The following KNDC1 variants were observed in gnomAD, a reference collection of about 807,000 sequenced individuals.
The protein encoded by KNDC1 is kinase non-catalytic C-lobe domain containing 1.
KNDC1 carries 106 observed loss-of-function variants against 172.8 expected under a neutral mutation model. The ratio of observed to expected loss-of-function variants is 0.61; its 90% confidence interval spans 0.52 to 0.72. The LOEUF (loss-of-function observed/expected upper bound fraction) is 0.72. Among genes scored for constraint, KNDC1 ranks in the 30% least tolerant of loss-of-function variants. KNDC1 has a pLI of 0.00. For missense variants in KNDC1, 2,325 were observed against 2,394.5 expected (o/e 0.97, Z 0.61); for synonymous variants, 1,083 against 1,062.2 (o/e 1.02, Z -0.38).
At position 133,207,331 on chromosome 10, in the gene KNDC1, C is replaced by G. The variant is rs12028; in HGVS notation, c.3774C>G (p.Leu1258=). 46,220 of 1,612,598 alleles carry G rather than the reference C, an allele frequency of 0.029. 741 individuals carry two copies. Among genetic ancestry groups the G allele is most frequent in the African/African-American group, 0.048 (3,574 of 75,056 alleles). Residue 1258 remains leucine, a synonymous_variant, in exon 20 of 30, where the codon CTC becomes CTG. Transcript: ENST00000304613. ...RILQAGTPLG[L]MAYLYSSDAF... ...TGCAGGCCGGCACGCCGCTGGGGCT[C>G]ATGGCCTACCTGTACTCCAGGTGCG... is the stretch of plus-strand genomic sequence containing the variant.
At chr10:133,216,151 G>A (rs1185758214) in intron 26 of KNDC1, among the ~76,000 whole-genome samples, 1 of 152,264 alleles carries the variant, frequency 6.6e-6, no homozygotes, top group Non-Finnish European at 1.5e-5. Context: ...ACAGAGGGCA[G>A]CAGTGATCAA....
At chr10:133,182,248 C>T (rs978674066) in intron 3 of KNDC1, among the ~76,000 whole-genome samples, 1 of 152,072 alleles carries the variant, frequency 6.6e-6, no homozygotes, top group African/African-American at 2.4e-5. Context: ...GGTTCTGTGA[C>T]GATATCTTGA....
At position 133,189,772 on chromosome 10, in the gene KNDC1, C is replaced by T. The variant is rs768890536; in HGVS notation, c.1534C>T (p.Leu512=). Residue 512 remains leucine (L), a synonymous_variant, in exon 9 of 30, where the codon CTG becomes TTG. Transcript: ENST00000304613. ...PANGSYDSFF[L]APELAEERLV... is the part of the protein sequence containing the mutation. Reference sequence around the variant, plus strand: ...CTTAGGTTCCTATGACTCGTTCTTTCTGGCTCCCGAGCTGGCAGAGGAGAG... The same window carrying T: ...CTTAGGTTCCTATGACTCGTTCTTTTTGGCTCCCGAGCTGGCAGAGGAGAG... 3.1e-6 allele frequency: 5 copies of T among 1,614,072 alleles called. No individual in the cohort carries two copies. The South Asian group carries it at 4.4e-5, about 14-fold the overall frequency.
At position 133,219,937 on chromosome 10, in the gene KNDC1, C is replaced by T; in HGVS notation, c.4861-18C>T. On this transcript the variant is annotated intron_variant, in intron 28 of 29. Transcript: ENST00000304613. ...ACGCCCTGTCTCTCCCCGGCCCACGCCCCGGCTGGACCACCAGGTCTTCCT... is the reference window on the plus strand; with the variant it reads ...ACGCCCTGTCTCTCCCCGGCCCACGTCCCGGCTGGACCACCAGGTCTTCCT... 6.5e-7 allele frequency: 1 copy of T among 1,545,770 alleles called. No individual in the cohort carries two copies. Among genetic ancestry groups the T allele is most frequent in the Non-Finnish European group, 8.7e-7 (1 of 1,143,778 alleles).
chr10:133,188,842 G>T (rs1853999189), intron 7 of KNDC1, among the ~76,000 whole-genome samples, 189 bp downstream of exon 7: 1 of 151,790 alleles, frequency 6.6e-6, no homozygotes, highest in Non-Finnish European at 1.5e-5. Context: ...GGGCAGCCAG[G>T]ACAGTGTCTC....
At chr10:133,185,001 G>A (rs58730738) in intron 5 of KNDC1, among the ~76,000 whole-genome samples, 59,151 of 152,276 alleles carry the variant, frequency 0.39, 13,319 homozygotes, top group South Asian at 0.65. Flanking sequence ...AACAGAGGCC[G>A]TGTCTGCATT....
chr10:133,195,931 G>A, intron 10 of KNDC1, 110 bp downstream of exon 10: 1 of 1,096,014 alleles, frequency 9.1e-7, no homozygotes, highest in South Asian at 1.7e-5. Flanking sequence ...TCCAGGTGAT[G>A]AGGCCACCAG....
chr10:133,186,704 A>G (rs1220923398), intron 6 of KNDC1, 30 bp downstream of exon 6: 1 of 1,515,852 alleles, frequency 6.6e-7, no homozygotes, highest in African/African-American at 1.4e-5. Context: ...GTGTGGGTGG[A>G]GGGGTCGGCG....
rs2135996023 is a variant in KNDC1, at chr10:133,198,588, G to A, written c.2080G>A (p.Ala694Thr). 1.9e-6 allele frequency: 3 copies of A among 1,590,852 alleles called. No individual in the cohort carries two copies. Among genetic ancestry groups the A allele is most frequent in the Middle Eastern group, 1.7e-4 (1 of 5,990 alleles). ...CTGCTCCTCCCGTAGGGACCAGCCT[G>A]CCTTGGCCCAGGAGGAGTCCGAGGA... is the stretch of plus-strand genomic sequence containing the variant. The part of the protein sequence containing the change: ...QNASVARDQP[A>T]LAQEESEERG... Residue 694 changes from alanine (A) to threonine (T), a missense_variant, in exon 14 of 30, where the codon GCC becomes ACC. Physicochemically the swap from Ala to Thr is moderately conservative, Grantham distance 58. Transcript: ENST00000304613.
Position 133,208,867 on chromosome 10 carries a change from G to A in KNDC1, c.3794+1516G>A, listed in dbSNP as rs141015570. Reference sequence around the variant, plus strand: ...TGCATGTGTAGTACACAAATGTGATGTGTATTTAGGCTTGTATGGAGTGTG... The same window carrying A: ...TGCATGTGTAGTACACAAATGTGATATGTATTTAGGCTTGTATGGAGTGTG... On this transcript the variant is annotated intron_variant, in intron 20 of 29. Coordinates refer to ENST00000304613, the MANE Select transcript of KNDC1 (RefSeq NM_152643.8). Among the ~76,000 whole-genome samples, 585 of 152,250 alleles carry A rather than the reference G, an allele frequency of 3.8e-3. 3 individuals carry two copies. Among genetic ancestry groups the A allele is most frequent in the Middle Eastern group, 0.024 (7 of 294 alleles).
chr10:133,194,884 G>A (rs1854146044), intron 9 of KNDC1, among the ~76,000 whole-genome samples: 1 of 152,220 alleles, frequency 6.6e-6, no homozygotes, highest in Admixed American at 6.5e-5. Flanking sequence ...TAGCCCAAAA[G>A]GTGGAGGACA....
chr10:133,183,921 G>C lies in KNDC1; in HGVS notation c.557G>C (p.Arg186Pro). 6.2e-7 allele frequency: 1 copy of C among 1,604,128 alleles called. No homozygotes were observed. The highest frequency in any genetic ancestry group is 8.5e-7 in the Non-Finnish European group (1 of 1,172,530). Residue 186 changes from arginine (R) to proline (P), a missense_variant, in exon 5 of 30, where the codon CGC (arginine) becomes CCC (proline). Transcript: ENST00000304613. ...AAGCTGCAGCTCACATCCTCCTGTC[G>C]CGTGTGCCGGAGCCTCTCTGCTGTG... ...EEKLQLTSSC[R>P]VCRSLSAVGR...
intron 3 of KNDC1, 100 bp from the exon 4 acceptor site, chr10:133,183,244 G>A (rs374938549): frequency 6.6e-6 from 9 of 1,373,434 alleles, no homozygotes; most frequent in East Asian, 5.2e-5. Flanking sequence ...GGAATCTCAC[G>A]ATTCCTGAAA....
chr10:133,209,653 G>T lies in KNDC1; in HGVS notation c.3795-958G>T, dbSNP rs1295906728. On this transcript the variant is annotated intron_variant, in intron 20 of 29. Coordinates refer to ENST00000304613, the MANE Select transcript of KNDC1 (RefSeq NM_152643.8). The surrounding 1 kb of genome is among the most constrained non-coding windows in gnomAD (Gnocchi z 4.9). ...GTGTGAGTGCTGTGCTTCCATGGAA[G>T]GAGCGTCTCCTGGCCGTGATGTGGT... is the stretch of plus-strand genomic sequence containing the variant. 2.6e-5 allele frequency among the ~76,000 whole-genome samples: 4 copies of T among 152,046 alleles called. No individual in the cohort carries two copies. Among genetic ancestry groups the T allele is most frequent in the Non-Finnish European group, 4.4e-5 (3 of 67,984 alleles).
In KNDC1 at chr10:133,214,066, G is replaced by A. The variant is rs993330420; in HGVS notation, c.4621G>A (p.Ala1541Thr). Residue 1541 changes from alanine to threonine, a missense_variant, in exon 26 of 30, where the codon GCA (alanine) becomes ACA (threonine). Physicochemically the swap from Ala to Thr is moderately conservative, Grantham distance 58. Coordinates refer to ENST00000304613, the MANE Select transcript of KNDC1 (RefSeq NM_152643.8). Reference sequence around the variant, plus strand: ...GTATCTGTTACAGCTTCTAAGAAACGCAGATGACGTCAGCACCTGGGTGGC... The same window carrying A: ...GTATCTGTTACAGCTTCTAAGAAACACAGATGACGTCAGCACCTGGGTGGC... ...DKYLLQLLRNADDVSTWVAAE... is the reference protein window; with the variant it reads ...DKYLLQLLRNTDDVSTWVAAE... The A allele has an allele frequency of 6.2e-6, 10 of 1,614,184 alleles. No individual in the cohort carries two copies. The highest frequency in any genetic ancestry group is 2.2e-5 in the East Asian group (1 of 44,888).
At chr10:133,219,255 G>T (rs1360337195) in intron 28 of KNDC1, among the ~76,000 whole-genome samples, 165 bp downstream of exon 28, 2 of 152,360 alleles carry the variant, frequency 1.3e-5, no homozygotes, top group East Asian at 3.9e-4. Context: ...TCCCGGCAGG[G>T]CCTCTGTTGC....
At chr10:133,191,374 A>G (rs548003013) in intron 9 of KNDC1, among the ~76,000 whole-genome samples, 2 of 148,344 alleles carry the variant, frequency 1.3e-5, no homozygotes, top group African/African-American at 5.0e-5. Flanking sequence ...TCCAGCCTGG[A>G]TGACAGAGCC....
At chr10:133,198,287 G>T in intron 12 of KNDC1, 50 bp from the exon 13 acceptor site, 1 of 1,495,986 alleles carries the variant, frequency 6.7e-7, no homozygotes. Flanking sequence ...GGTGCGGCAC[G>T]TGCTGGGGCC....
At chr10:133,211,370 C>G in intron 21 of KNDC1, 52 bp from the exon 22 acceptor site, 1 of 1,574,926 alleles carries the variant, frequency 6.3e-7, no homozygotes. Context: ...CCCTGGGCCT[C>G]TGCCCCCGAC....
Sources: gnomAD v4.1 joint callset for allele counts (sites outside exome capture counted in the v4.1 genomes callset) on GRCh38, gnomAD v4.1.1 for gene constraint, Gnocchi (gnomAD v3.1) non-coding constraint, MANE v1.5 for transcripts, NCBI Gene and HGNC (gene_info 2026-07-23, HGNC 2026-07-21) for gene names.